The following CNIH4 variants were observed in gnomAD, a reference collection of about 807,000 sequenced individuals.
CNIH4 encodes the protein cornichon family member 4.
A neutral mutation model predicts 21.5 loss-of-function variants in CNIH4; 9 were observed. The observed-to-expected ratio is 0.42, with a 90% CI of 0.25 to 0.73. CNIH4 has a LOEUF of 0.73. Among genes scored for constraint, CNIH4 ranks in the 30% least tolerant of loss-of-function variants. The pLI is 0.27. For missense variants in CNIH4, 159 were observed against 170.0 expected, an observed-to-expected ratio of 0.94 and a Z score of 0.36; for synonymous variants, 67 against 59.1, an observed-to-expected ratio of 1.13 and a Z score of -0.61.
chr1:224,370,180 A>T (rs145141187), intron 3 of CNIH4, among the ~76,000 whole-genome samples: 107 of 152,276 alleles, frequency 7.0e-4, no homozygotes, highest in African/African-American at 2.5e-3. Flanking sequence ...AGGAAGAGAG[A>T]AGTCCCAGTT....
intron 4 of CNIH4, 90 bp downstream of exon 4, chr1:224,371,513 T>G (rs1672628152): frequency 7.7e-7 from 1 of 1,291,894 alleles, no homozygotes; most frequent in East Asian, 2.3e-5. Flanking sequence ...GCATTGACAT[T>G]GTGGAACTTT....
At chr1:224,359,042 G>A (rs1486138262) in intron 1 of CNIH4, among the ~76,000 whole-genome samples, 7 of 152,302 alleles carry the variant, frequency 4.6e-5, no homozygotes, top group Middle Eastern at 3.4e-3. Flanking sequence ...TGGCAAGAGC[G>A]AAGGTGCAGA....
At position 224,376,803 on chromosome 1, in the gene CNIH4, T is replaced by C. The variant is rs1672794390; in HGVS notation, c.*981T>C. ...TTCCTTGGAGTTATATTGTAAACTCTTGCAGGTGGGAGAGCAGTTCACCTC... is the reference window on the plus strand; with the variant it reads ...TTCCTTGGAGTTATATTGTAAACTCCTGCAGGTGGGAGAGCAGTTCACCTC... On this transcript the variant is annotated 3_prime_UTR_variant, in exon 5 of 5. Transcript: ENST00000465271. 1.0e-6 allele frequency: 1 copy of C among 985,430 alleles called. No homozygotes were observed. Among genetic ancestry groups the C allele is most frequent in the Non-Finnish European group, 1.2e-6 (1 of 829,910 alleles). The allele number at this position is 985,430 out of a possible 1,614,324, so 61.0% of individuals were successfully genotyped here. A position where few individuals can be genotyped will look rare whatever the true frequency, so the allele number is the denominator to read the frequency against.
At position 224,378,927 on chromosome 1, in the gene CNIH4, TTCTC is replaced by T. The variant is rs1207297003; in HGVS notation, c.*3110_*3113del. On this transcript the variant is annotated 3_prime_UTR_variant, in exon 5 of 5. Coordinates refer to ENST00000465271, the MANE Select transcript of CNIH4 (RefSeq NM_014184.4). The stretch of plus-strand genomic sequence containing the variant: ...CTGAATGCTGAGGCTTAGTCCAGTG[TTCTC>T]TCTCCCTTACCACTCCTCTTCCCCT... 3.9e-6 allele frequency: 3 copies of T among 767,504 alleles called. No homozygotes were observed. The highest frequency in any genetic ancestry group is 4.3e-5 in the Admixed American group (2 of 46,532). 47.5% of individuals were successfully genotyped at this position (767,504 alleles called of 1,614,324 possible). A position where few individuals can be genotyped will look rare whatever the true frequency, so the allele number is the denominator to read the frequency against.
intron 2 of CNIH4, among the ~76,000 whole-genome samples, chr1:224,365,289 A>T (rs139809452): frequency 3.9e-5 from 6 of 152,352 alleles, no homozygotes; most frequent in Non-Finnish European, 5.9e-5. Flanking sequence ...CTAGAACATT[A>T]CACAGTCAAC....
intron 1 of CNIH4, among the ~76,000 whole-genome samples, chr1:224,358,041 T>C (rs1199148412): frequency 6.6e-6 from 1 of 152,128 alleles, no homozygotes. Flanking sequence ...ATGCGGGCTT[T>C]AGGATAGTCG....
intron 2 of CNIH4, among the ~76,000 whole-genome samples, chr1:224,364,849 G>C (rs904807762): frequency 1.6e-4 from 25 of 151,726 alleles, no homozygotes; most frequent in Non-Finnish European, 7.4e-5. Flanking sequence ...AAGAGAATTG[G>C]TTGAACCCGG....
chr1:224,362,740 A>G lies in CNIH4; in HGVS notation c.138+2177A>G, dbSNP rs367699889. Among the ~76,000 whole-genome samples, 22 of 152,204 alleles carry G rather than the reference A, an allele frequency of 1.4e-4. No individual in the cohort carries two copies. The South Asian group carries it at 4.4e-3, about 30-fold the overall frequency. ...GATCTCCTGACCTCGTAATCTGCCC[A>G]AAGTGCTGGGATTACAGGCATGAGC... On this transcript the variant is annotated intron_variant, in intron 2 of 4. Coordinates refer to ENST00000465271, the MANE Select transcript of CNIH4 (RefSeq NM_014184.4).
chr1:224,359,894 G>A (rs1448356211), intron 1 of CNIH4, among the ~76,000 whole-genome samples: 1 of 152,158 alleles, frequency 6.6e-6, no homozygotes, highest in Non-Finnish European at 1.5e-5. Context: ...GTAGAGATGG[G>A]GGTGAGGTGA....
intron 4 of CNIH4, among the ~76,000 whole-genome samples, chr1:224,374,123 T>A (rs1050414063): frequency 6.6e-6 from 1 of 152,200 alleles, no homozygotes; most frequent in Non-Finnish European, 1.5e-5. Flanking sequence ...TTCTCTTGGT[T>A]TTTGGTTGCT....
At chr1:224,364,341 G>T in intron 2 of CNIH4, 3 of 985,434 alleles carry the variant, frequency 3.0e-6, no homozygotes, top group Non-Finnish European at 3.6e-6. Flanking sequence ...TAGCTTTAGG[G>T]ATCTGATATG....
chr1:224,365,217 T>C (rs1198957862), intron 2 of CNIH4, among the ~76,000 whole-genome samples: 1 of 152,130 alleles, frequency 6.6e-6, no homozygotes, highest in Non-Finnish European at 1.5e-5. Context: ...TCTGTACTCA[T>C]AGGAAAGGAA....
intron 1 of CNIH4, among the ~76,000 whole-genome samples, chr1:224,359,286 T>C (rs1454298958): frequency 1.3e-5 from 2 of 152,096 alleles, no homozygotes; most frequent in East Asian, 3.9e-4. Flanking sequence ...ATCTGCCGAG[T>C]GGGTTGGAAA....
rs554141833 is a variant in CNIH4 at position 224,362,711 on chromosome 1, T to C, written c.138+2148T>C. On this transcript the variant is annotated intron_variant, in intron 2 of 4. Transcript: ENST00000465271. The stretch of plus-strand genomic sequence containing the variant: ...GGTTTCACCATGTTAGCCAGGATGG[T>C]CTTGATCTCCTGACCTCGTAATCTG... 2.7e-3 allele frequency among the ~76,000 whole-genome samples: 409 copies of C among 152,230 alleles called. 1 individual carries two copies. The highest frequency in any genetic ancestry group is 4.6e-3 in the Non-Finnish European group (316 of 68,008).
At position 224,377,032 on chromosome 1, in the gene CNIH4, T is replaced by G. The variant is rs1179254619; in HGVS notation, c.*1210T>G. 4.0e-6 allele frequency: 2 copies of G among 505,264 alleles called. No homozygotes were observed. The allele number at this position is 505,264 out of a possible 1,614,324, so 31.3% of individuals were successfully genotyped here. A position where few individuals can be genotyped will look rare whatever the true frequency, so the allele number is the denominator to read the frequency against. On this transcript the variant is annotated 3_prime_UTR_variant, in exon 5 of 5. Coordinates refer to ENST00000465271, the MANE Select transcript of CNIH4 (RefSeq NM_014184.4). ...ACAGGGTGTGTGGTACCCAAAAGAT[T>G]AAATGTTACATGTCCTTTTAGTCCT... is the stretch of plus-strand genomic sequence containing the variant.
At chr1:224,364,064 C>T in intron 2 of CNIH4, 1 of 985,274 alleles carries the variant, frequency 1.0e-6, no homozygotes, top group Non-Finnish European at 1.2e-6. Flanking sequence ...AGTCAGTAAA[C>T]CAAGCATAAT....
chr1:224,356,886 C>T lies in CNIH4; in HGVS notation c.-39C>T, dbSNP rs868263888. 6.4e-7 allele frequency: 1 copy of T among 1,561,024 alleles called. No homozygotes were observed. Among genetic ancestry groups the T allele is most frequent in the South Asian group, 1.2e-5 (1 of 86,152 alleles). On this transcript the variant is annotated 5_prime_UTR_variant, in exon 1 of 5. Transcript: ENST00000465271. ...TCAGGGGTGGGTCGGGGCATCCGAGCGGGTTTGACGGAAGGAGCGGCGGCG... is the reference window on the plus strand; with the variant it reads ...TCAGGGGTGGGTCGGGGCATCCGAGTGGGTTTGACGGAAGGAGCGGCGGCG...
intron 3 of CNIH4, 36 bp from the exon 4 acceptor site, chr1:224,371,247 T>C (rs1274954681): frequency 6.3e-7 from 1 of 1,587,898 alleles, no homozygotes; most frequent in East Asian, 2.2e-5. Context: ...TATGATTTGA[T>C]TATCCTTCTA....
intron 1 of CNIH4, among the ~76,000 whole-genome samples, chr1:224,359,051 G>T (rs1672196963): frequency 6.6e-6 from 1 of 152,210 alleles, no homozygotes; most frequent in African/African-American, 2.4e-5. Context: ...CGAAGGTGCA[G>T]AGACAGGTAT....
Sources: gnomAD v4.1 joint callset for allele counts (sites outside exome capture counted in the v4.1 genomes callset) on GRCh38, gnomAD v4.1.1 for gene constraint, MANE v1.5 for transcripts, NCBI Gene and HGNC (gene_info 2026-07-23, HGNC 2026-07-21) for gene names.